AKT3: variants seen among roughly 807,000 people sequenced by gnomAD.
The protein encoded by AKT3 is AKT serine/threonine kinase 3.
AKT3 carries 15 observed loss-of-function variants against 65.3 expected under a neutral mutation model. The ratio of observed to expected loss-of-function variants is 0.23; its 90% CI spans 0.15 to 0.35. AKT3 has a LOEUF of 0.35. Ranked by LOEUF, AKT3 falls within the 10% of genes least tolerant of loss-of-function variation. The pLI is 1.00. For missense variants in AKT3, 243 were observed against 576.5 expected, an observed-to-expected ratio of 0.42 and a Z score of 5.92; for synonymous variants, 206 against 183.8, an observed-to-expected ratio of 1.12 and a Z score of -0.98.
At chr1:243,559,865 C>T (rs951233584) in intron 10 of AKT3, among the ~76,000 whole-genome samples, 1 of 152,032 alleles carries the variant, frequency 6.6e-6, no homozygotes, top group Non-Finnish European at 1.5e-5. Context: ...AAAAGCCCAG[C>T]ATTAATAATG....
intron 8 of AKT3, among the ~76,000 whole-genome samples, chr1:243,608,364 A>G (rs1677589851): frequency 6.6e-6 from 1 of 152,260 alleles, no homozygotes; most frequent in Admixed American, 6.5e-5. Context: ...TTTCTAGAGC[A>G]TAGACTAAGA....
At chr1:243,783,062 A>C (rs183767537) in intron 2 of AKT3, among the ~76,000 whole-genome samples, 1 of 152,302 alleles carries the variant, frequency 6.6e-6, no homozygotes, top group African/African-American at 2.4e-5. Flanking sequence ...CTTTTATTAT[A>C]AATTTGGTCT....
chr1:243,572,572 GTTCC>G (rs1189675008), intron 9 of AKT3, among the ~76,000 whole-genome samples: 1 of 152,154 alleles, frequency 6.6e-6, no homozygotes, highest in Non-Finnish European at 1.5e-5. Context: ...AAATGAATAT[GTTCC>G]TTCCAATAGT....
chr1:243,599,828 T>C (rs530746462), intron 8 of AKT3, among the ~76,000 whole-genome samples: 1 of 152,104 alleles, frequency 6.6e-6, no homozygotes, highest in African/African-American at 2.4e-5. Flanking sequence ...ACATCCTGGA[T>C]AGTTTAATAA....
chr1:243,814,407 A>C (rs1693378554), intron 2 of AKT3: 1 of 152,222 alleles, frequency 6.6e-6, no homozygotes, highest in African/African-American at 2.4e-5. Context: ...TTACAATCTA[A>C]GAATAAAACA....
chr1:243,651,845 C>T (rs1681360992), intron 4 of AKT3, among the ~76,000 whole-genome samples: 1 of 151,996 alleles, frequency 6.6e-6, no homozygotes, highest in African/African-American at 2.4e-5. Flanking sequence ...GGATACTGGC[C>T]TGACATTTTC....
chr1:243,602,474 T>C (rs879060550), intron 8 of AKT3, among the ~76,000 whole-genome samples: 3 of 152,270 alleles, frequency 2.0e-5, no homozygotes, highest in Non-Finnish European at 2.9e-5. Flanking sequence ...TCACTATGAA[T>C]ATGAAATGAT....
At chr1:243,761,022 C>CT (rs1223133126) in intron 2 of AKT3, among the ~76,000 whole-genome samples, 1 of 152,128 alleles carries the variant, frequency 6.6e-6, no homozygotes, top group African/African-American at 2.4e-5. Flanking sequence ...TGTATTTCAC[C>CT]TAGAGCAATG....
intron 2 of AKT3, among the ~76,000 whole-genome samples, chr1:243,727,724 C>G (rs1404881985): frequency 6.6e-6 from 1 of 151,964 alleles, no homozygotes; most frequent in Non-Finnish European, 1.5e-5. Context: ...TTTCTTAAGT[C>G]TGCAGAAAAG....
chr1:243,572,586 TCTTA>T (rs1220199331), intron 9 of AKT3, among the ~76,000 whole-genome samples: 8 of 152,250 alleles, frequency 5.3e-5, no homozygotes, highest in African/African-American at 1.9e-4. Flanking sequence ...CTTCCAATAG[TCTTA>T]CTATGTTTCT....
chr1:243,558,395 A>AC (rs1195145312), intron 10 of AKT3, among the ~76,000 whole-genome samples: 1 of 152,060 alleles, frequency 6.6e-6, no homozygotes, highest in Non-Finnish European at 1.5e-5. Flanking sequence ...TATTTTAAAA[A>AC]TGTTACATTA....
intron 8 of AKT3, among the ~76,000 whole-genome samples, chr1:243,597,927 T>C (rs982142789): frequency 5.3e-5 from 8 of 152,244 alleles, no homozygotes; most frequent in South Asian, 4.1e-4. Flanking sequence ...TTTTTTGGCT[T>C]TTTGAAGTTC....
At position 243,843,298 on chromosome 1, in the gene AKT3, G is replaced by A. The variant is rs1455344742; in HGVS notation, c.-112-16C>T. On this transcript the variant is annotated splice_polypyrimidine_tract_variant and intron_variant, in intron 1 of 13. Transcript: ENST00000673466. ...ATGACTCAGCCTGGAAGGAAGTATT[G>A]AAGAAAGAATTTTTTTTCCATTCTT... 3 of 1,398,942 alleles carry A rather than the reference G, an allele frequency of 2.1e-6. No homozygotes were observed. Among genetic ancestry groups the A allele is most frequent in the Admixed American group, 2.8e-5 (1 of 36,296 alleles). The allele number at this position is 1,398,942 out of a possible 1,614,324, so 86.7% of individuals were successfully genotyped here.
At chr1:243,645,437 T>C (rs1397005282) in intron 5 of AKT3, among the ~76,000 whole-genome samples, 1 of 152,214 alleles carries the variant, frequency 6.6e-6, no homozygotes, top group Admixed American at 6.5e-5. Context: ...ATAAGAGTTA[T>C]TGTTTCCAAG....
chr1:243,614,797 T>C (rs1678173819), intron 7 of AKT3, among the ~76,000 whole-genome samples: 1 of 152,106 alleles, frequency 6.6e-6, no homozygotes, highest in Admixed American at 6.5e-5. Flanking sequence ...ATAGTCTCCT[T>C]AAAATGCCAG....
At chr1:243,646,319 T>C (rs1386986989) in intron 4 of AKT3, among the ~76,000 whole-genome samples, 1 of 151,846 alleles carries the variant, frequency 6.6e-6, no homozygotes, top group Non-Finnish European at 1.5e-5. Flanking sequence ...ATCATTTACA[T>C]GAAAAGTTAA....
chr1:243,649,311 ATATGTGTGTG>A (rs1479172471), intron 4 of AKT3, among the ~76,000 whole-genome samples: 21 of 58,410 alleles, frequency 3.6e-4, no homozygotes, highest in Admixed American at 8.9e-4. Flanking sequence ...TGTTATGTGT[ATATGTGTGTG>A]TGTGTGTGTG....
At chr1:243,841,598 T>A (rs1288381909) in intron 2 of AKT3, among the ~76,000 whole-genome samples, 1 of 152,192 alleles carries the variant, frequency 6.6e-6, no homozygotes, top group African/African-American at 2.4e-5. Flanking sequence ...GGAAAACAGC[T>A]GGGCAGTTTG....
chr1:243,658,806 T>C (rs987022249), intron 4 of AKT3, among the ~76,000 whole-genome samples: 7 of 149,642 alleles, frequency 4.7e-5, no homozygotes, highest in East Asian at 2.0e-4. Context: ...GGGAGGAGTA[T>C]TGCTTGAGGC....
Sources: allele counts gnomAD v4.1 joint callset (sites outside exome capture counted in the v4.1 genomes callset), GRCh38; gene constraint gnomAD v4.1.1; transcripts MANE v1.5; gene names NCBI Gene and HGNC (gene_info 2026-07-23, HGNC 2026-07-21).